The following DGKB variants were observed in gnomAD, a reference collection of about 807,000 sequenced individuals.
DGKB encodes the protein 90 kDa diacylglycerol kinase.
DGKB carries 67 observed loss-of-function variants against 114.3 expected under a neutral mutation model. The ratio of observed to expected loss-of-function variants is 0.59; its 90% confidence interval spans 0.48 to 0.72. The LOEUF (loss-of-function observed/expected upper bound fraction) is 0.72, where lower values mean the gene tolerates loss of function less well. Among genes scored for constraint, DGKB ranks in the 30% least tolerant of loss-of-function variants. DGKB has a pLI of 0.00. For missense variants in DGKB, 907 were observed against 975.2 expected (o/e 0.93, Z 0.93); for synonymous variants, 398 against 323.1 (o/e 1.23, Z -2.49).
intron 23 of DGKB, among the ~76,000 whole-genome samples, chr7:14,196,138 A>G (rs114732694): frequency 0.019 from 2,940 of 152,228 alleles, 104 homozygotes; most frequent in African/African-American, 0.067. Context: ...GTTTCTGCTT[A>G]GAACAGTGTG....
intron 6 of DGKB, among the ~76,000 whole-genome samples, chr7:14,715,175 AT>A (rs1445577391): frequency 6.6e-6 from 1 of 152,188 alleles, no homozygotes; most frequent in Non-Finnish European, 1.5e-5. Flanking sequence ...AAGGTTTTTA[AT>A]TATTGTACTA....
rs538240850 is a variant in DGKB at position 14,384,904 on chromosome 7, T to C, written c.1836-39513A>G. Among the ~76,000 whole-genome samples the C allele has an allele frequency of 3.9e-5, 6 of 152,300 alleles. No homozygotes were observed. In the East Asian group the frequency reaches 1.2e-3, roughly 29 times the overall value. ...AGGAACTATCTGGCACAAAAGTCAC[T>C]AGTGCTAAGACTGAGAAACTCCATG... On this transcript the variant is annotated intron_variant, in intron 21 of 25. Transcript: ENST00000402815.
intron 23 of DGKB, among the ~76,000 whole-genome samples, chr7:14,245,200 CTG>C (rs1794295913): frequency 6.6e-6 from 1 of 152,008 alleles, no homozygotes; most frequent in Non-Finnish European, 1.5e-5. Context: ...AAAACACACA[CTG>C]TGCTAAACTT....
chr7:14,250,651 G>C (rs1456541081), intron 23 of DGKB, among the ~76,000 whole-genome samples: 2 of 152,084 alleles, frequency 1.3e-5, no homozygotes, highest in Non-Finnish European at 2.9e-5. Flanking sequence ...TATGTTTCTT[G>C]TGTTCATTTG....
chr7:14,435,983 T>C (rs976164031), intron 21 of DGKB, among the ~76,000 whole-genome samples: 2 of 152,078 alleles, frequency 1.3e-5, no homozygotes, highest in African/African-American at 4.8e-5. Flanking sequence ...GGAAATTCAA[T>C]AGAAATTATC....
At position 14,856,825 on chromosome 7, in the gene DGKB, T is replaced by C. The variant is rs115132554; in HGVS notation, c.-187-15375A>G. Among the ~76,000 whole-genome samples, 1,413 of 152,280 alleles carry C rather than the reference T, an allele frequency of 9.3e-3. 20 individuals carry two copies. Among genetic ancestry groups the C allele is most frequent in the African/African-American group, 0.033 (1,359 of 41,562 alleles). On this transcript the variant is annotated intron_variant, in intron 1 of 25. Transcript: ENST00000402815. ...TTACTGGGTTTTAGGGTATGCTTTA[T>C]TATAGGCTGCCAAATTCCTCCCAAA...
chr7:14,831,213 G>T (rs759401489), intron 2 of DGKB, among the ~76,000 whole-genome samples: 3 of 151,756 alleles, frequency 2.0e-5, no homozygotes, highest in Non-Finnish European at 4.4e-5. Context: ...CAAATCTGAG[G>T]ATATATTTAC....
At chr7:14,208,604 T>C (rs1401782266) in intron 23 of DGKB, among the ~76,000 whole-genome samples, 3 of 152,088 alleles carry the variant, frequency 2.0e-5, no homozygotes, top group Non-Finnish European at 4.4e-5. Context: ...TGTACACATA[T>C]ACTAGTATTT....
Position 14,622,594 on chromosome 7 carries a change from A to T in DGKB, c.1168-1100T>A, listed in dbSNP as rs992502209. Among the ~76,000 whole-genome samples, 8 of 152,092 alleles carry T rather than the reference A, an allele frequency of 5.3e-5. No homozygotes were observed. The South Asian group carries it at 1.7e-3, about 32-fold the overall frequency. ...TGCCTACTCTGTCCCTAGAAAATAA[A>T]TCTCAAACTGGATGACAACTCACCA... On this transcript the variant is annotated intron_variant, in intron 14 of 25. Transcript: ENST00000402815.
At chr7:14,845,088 C>T (rs1313824816) in intron 1 of DGKB, among the ~76,000 whole-genome samples, 1 of 122,248 alleles carries the variant, frequency 8.2e-6, no homozygotes, top group African/African-American at 3.2e-5. Flanking sequence ...TCCTCAGTGA[C>T]AGAGCAAGGC....
chr7:14,319,126 G>A (rs1189179497), intron 23 of DGKB, among the ~76,000 whole-genome samples: 5 of 146,388 alleles, frequency 3.4e-5, no homozygotes, highest in Non-Finnish European at 7.5e-5. Context: ...ATCACACTCT[G>A]GGGACTGTTG....
At chr7:14,298,504 C>T (rs10263176) in intron 23 of DGKB, among the ~76,000 whole-genome samples, 12,220 of 152,014 alleles carry the variant, frequency 0.08, 569 homozygotes, top group East Asian at 0.14. Context: ...GCTAACCATA[C>T]GCAGAAAACT....
intron 20 of DGKB, among the ~76,000 whole-genome samples, chr7:14,511,398 C>T (rs985956647): frequency 1.3e-5 from 2 of 152,148 alleles, no homozygotes; most frequent in African/African-American, 2.4e-5. Flanking sequence ...AAGAACCAAC[C>T]TATGCTAGCT....
At chr7:14,536,662 G>C (rs1792550546) in intron 20 of DGKB, among the ~76,000 whole-genome samples, 1 of 152,114 alleles carries the variant, frequency 6.6e-6, no homozygotes, top group African/African-American at 2.4e-5. Flanking sequence ...ATTAGATATA[G>C]AAGGAAGCTG....
chr7:14,824,739 T>G (rs1845425534), intron 2 of DGKB, among the ~76,000 whole-genome samples: 1 of 151,948 alleles, frequency 6.6e-6, no homozygotes, highest in Non-Finnish European at 1.5e-5. Flanking sequence ...TTTTAAAAAT[T>G]ATTAAGTTGA....
chr7:14,316,603 A>C (rs1335633753), intron 23 of DGKB, among the ~76,000 whole-genome samples: 1 of 128,054 alleles, frequency 7.8e-6, no homozygotes, highest in Non-Finnish European at 1.6e-5. Context: ...GAATCTCTGA[A>C]TAGACCAATA....
chr7:14,270,048 CAAA>C (rs397889901), intron 23 of DGKB, among the ~76,000 whole-genome samples: 1,397 of 52,740 alleles, frequency 0.026, 4 homozygotes, highest in African/African-American at 0.061. Context: ...GCTTTTTTTG[CAAA>C]AAAAAAAAAA....
At chr7:14,864,514 G>T (rs1001809777) in intron 1 of DGKB, among the ~76,000 whole-genome samples, 1 of 152,058 alleles carries the variant, frequency 6.6e-6, no homozygotes, top group Non-Finnish European at 1.5e-5. Flanking sequence ...CAGTCTGATT[G>T]GAAATAAATG....
intron 2 of DGKB, among the ~76,000 whole-genome samples, chr7:14,801,564 T>G (rs1228537088): frequency 6.6e-6 from 1 of 151,968 alleles, no homozygotes; most frequent in Non-Finnish European, 1.5e-5. Context: ...GAACAAAAGG[T>G]GTAGGATGGA....
Sources: gnomAD v4.1 joint callset for allele counts (sites outside exome capture counted in the v4.1 genomes callset) on GRCh38, gnomAD v4.1.1 for gene constraint, MANE v1.5 for transcripts, NCBI Gene and HGNC (gene_info 2026-07-23, HGNC 2026-07-21) for gene names.